Variants in SIPA1L3 observed in about 807,000 individuals in gnomAD.
The protein encoded by SIPA1L3 is signal-induced proliferation-associated 1-like protein 3.
Under a neutral mutation model 150.1 loss-of-function variants are expected in SIPA1L3, and 59 were observed. The ratio of observed to expected loss-of-function variants is 0.39; its 90% CI spans 0.32 to 0.49. SIPA1L3 has a LOEUF of 0.49. SIPA1L3 is among the 20% of genes least tolerant of loss of function. SIPA1L3 has a pLI of 0.86. For missense variants in SIPA1L3, 2,211 were observed against 2,489.5 expected (o/e 0.89, Z 2.38); for synonymous variants, 1,070 against 1,077.6 (o/e 0.99, Z 0.14).
Position 38,193,604 on chromosome 19 carries a change from C to T in SIPA1L3, c.4664C>T (p.Pro1555Leu). 6.4e-7 allele frequency: 1 copy of T among 1,563,536 alleles called. No individual in the cohort carries two copies. Among genetic ancestry groups the T allele is most frequent in the Non-Finnish European group, 8.6e-7 (1 of 1,164,896 alleles). ...AGCCTGTGCAGCGGGCGCCGGGAGC[C>T]CAGCTTCGCCAGCCCCGCTGGCCTA... The part of the protein sequence containing the change: ...DESLCSGRRE[P>L]SFASPAGLEP... The change falls in exon 18 of 22, where the codon CCC (proline) becomes CTC (leucine). Residue 1555 changes from proline (P) to leucine (L), a missense_variant. Around this residue, in one of 5 missense-constraint regions of SIPA1L3, gnomAD observed 806 missense variants for 870.1 expected, o/e 0.93. Coordinates refer to ENST00000222345, the MANE Select transcript of SIPA1L3 (RefSeq NM_015073.3).
At chr19:38,103,786 C>CA (rs1485299970) in intron 6 of SIPA1L3, among the ~76,000 whole-genome samples, 3 of 151,106 alleles carry the variant, frequency 2.0e-5, no homozygotes, top group African/African-American at 7.3e-5. Context: ...CCTGTAGTCC[C>CA]AGCTACTCTG....
chr19:38,154,835 C>T (rs933105429), intron 13 of SIPA1L3, among the ~76,000 whole-genome samples: 12 of 150,934 alleles, frequency 8.0e-5, no homozygotes, highest in African/African-American at 2.9e-4. Context: ...AATCTCAGCT[C>T]GCTGCAACCT....
rs79681604 is a variant in SIPA1L3, at chr19:38,036,382, C to T, written c.-311+7226C>T. On this transcript the variant is annotated intron_variant, in intron 2 of 21. Transcript: ENST00000222345. ...CTGGCTTCAGCACTGCCTCCTTCCC[C>T]GTCCCCAGGGACGGACACTTGGCTG... Among the ~76,000 whole-genome samples the T allele has an allele frequency of 1.1e-4, 16 of 152,364 alleles. No individual in the cohort carries two copies. In the East Asian group the frequency reaches 1.5e-3, roughly 15 times the overall value.
intron 1 of SIPA1L3, among the ~76,000 whole-genome samples, chr19:38,024,413 G>A (rs1255261165): frequency 2.0e-5 from 3 of 152,138 alleles, no homozygotes; most frequent in African/African-American, 7.2e-5. Context: ...GCTGCCGGAG[G>A]TGAGATGAGG....
chr19:38,100,506 T>C (rs967503339), intron 5 of SIPA1L3, among the ~76,000 whole-genome samples: 4 of 152,084 alleles, frequency 2.6e-5, no homozygotes, highest in Non-Finnish European at 5.9e-5. Context: ...CTGTTAGAAT[T>C]ACAGCCACAT....
intron 2 of SIPA1L3, among the ~76,000 whole-genome samples, chr19:38,039,704 A>G (rs995669994): frequency 7.6e-5 from 9 of 117,706 alleles, no homozygotes; most frequent in Non-Finnish European, 1.2e-4. Flanking sequence ...AAAAAAAAAA[A>G]AAAAAAAAAA....
intron 2 of SIPA1L3, among the ~76,000 whole-genome samples, chr19:38,049,396 G>A (rs193296087): frequency 1.8e-4 from 28 of 152,188 alleles, no homozygotes; most frequent in Admixed American, 1.7e-3. Context: ...GCATGTGTTC[G>A]CCATCTAGCC....
chr19:38,153,040 G>T, intron 13 of SIPA1L3, 73 bp downstream of exon 13: 1 of 1,534,446 alleles, frequency 6.5e-7, no homozygotes, highest in South Asian at 1.2e-5. Flanking sequence ...GAGCTTGACA[G>T]GCAACACTCC....
chr19:38,133,422 A>G (rs559954562), intron 10 of SIPA1L3, among the ~76,000 whole-genome samples: 16 of 152,238 alleles, frequency 1.1e-4, no homozygotes, highest in African/African-American at 3.6e-4. Flanking sequence ...ACCCTGAGGT[A>G]TAATTTGTAC....
rs1165494322 is a variant in SIPA1L3 at position 38,047,490 on chromosome 19, A to G, written c.-311+18334A>G. ...CAGTAAATATTTGTTGAATGAATGA[A>G]CCGACATGGCCAGTGACACAATGTC... is the stretch of plus-strand genomic sequence containing the variant. On this transcript the variant is annotated intron_variant, in intron 2 of 21. Coordinates refer to ENST00000222345, the MANE Select transcript of SIPA1L3 (RefSeq NM_015073.3). This position sits in a 1 kb window ranked among gnomAD's most constrained non-coding sequence, Gnocchi z 4.7. 6.6e-6 allele frequency among the ~76,000 whole-genome samples: 1 copy of G among 152,054 alleles called. No homozygotes were observed. The highest frequency in any genetic ancestry group is 1.5e-5 in the Non-Finnish European group (1 of 68,002).
rs1448242823 is a variant in SIPA1L3 at position 38,078,525 on chromosome 19, GACGCACACAGACACGCACACACACAGAC to G, written c.-310-2717_-310-2690del. ...GCACACAGACATGCACACACACACAGACGCACACAGACACGCACACACACAGACACGCACACAGACATACACAGAGACA... is the reference window on the plus strand; with the variant it reads ...GCACACAGACATGCACACACACACAGACGCACACAGACATACACAGAGACA... On this transcript the variant is annotated intron_variant, in intron 2 of 21. Coordinates refer to ENST00000222345, the MANE Select transcript of SIPA1L3 (RefSeq NM_015073.3). Among the ~76,000 whole-genome samples, 192 of 132,370 alleles carry G rather than the reference GACGCACACAGACACGCACACACACAGAC, an allele frequency of 1.5e-3. 2 individuals are homozygous for G. The highest frequency in any genetic ancestry group is 5.1e-3 in the African/African-American group (180 of 35,544). The allele number at this position is 132,370 out of a possible 152,430, so 86.8% of individuals were successfully genotyped here.
intron 12 of SIPA1L3, among the ~76,000 whole-genome samples, chr19:38,150,424 G>A (rs1971793592): frequency 6.6e-6 from 1 of 151,946 alleles, no homozygotes; most frequent in Non-Finnish European, 1.5e-5. Flanking sequence ...CTTCCTCTTT[G>A]GCATCTTGGG....
At chr19:38,184,074 G>T (rs976878822) in intron 16 of SIPA1L3, among the ~76,000 whole-genome samples, 4 of 152,146 alleles carry the variant, frequency 2.6e-5, no homozygotes, top group African/African-American at 9.7e-5. Flanking sequence ...AGCTAACATT[G>T]CCTGAGCACT....
At chr19:37,955,870 G>A (rs1440419305) in intron 1 of SIPA1L3, among the ~76,000 whole-genome samples, 1 of 152,216 alleles carries the variant, frequency 6.6e-6, no homozygotes, top group Non-Finnish European at 1.5e-5. Context: ...AGACATTTAT[G>A]TTCAGGTCTT....
At chr19:37,943,253 G>A (rs954889636) in intron 1 of SIPA1L3, among the ~76,000 whole-genome samples, 1 of 152,054 alleles carries the variant, frequency 6.6e-6, no homozygotes, top group Non-Finnish European at 1.5e-5. Flanking sequence ...CAACCCCGAA[G>A]AAACTGAGGC....
chr19:38,154,714 G>A (rs1971905049), intron 13 of SIPA1L3, among the ~76,000 whole-genome samples: 1 of 151,550 alleles, frequency 6.6e-6, no homozygotes, highest in Non-Finnish European at 1.5e-5. Flanking sequence ...CCAAAGTGAT[G>A]GGATTACAGG....
intron 2 of SIPA1L3, among the ~76,000 whole-genome samples, chr19:38,054,635 G>GA (rs11300829): frequency 2.0e-5 from 3 of 151,796 alleles, no homozygotes; most frequent in South Asian, 2.1e-4. Context: ...AAGTTTAGGG[G>GA]AAAAAAAAAT....
chr19:37,950,267 G>A (rs1041245710), intron 1 of SIPA1L3, among the ~76,000 whole-genome samples: 3 of 152,050 alleles, frequency 2.0e-5, no homozygotes, highest in African/African-American at 7.2e-5. Flanking sequence ...CTTAGGTAAA[G>A]GACTCAGTCT....
intron 15 of SIPA1L3, among the ~76,000 whole-genome samples, chr19:38,172,730 C>T (rs944145658): frequency 1.3e-5 from 2 of 152,056 alleles, no homozygotes; most frequent in African/African-American, 4.8e-5. Flanking sequence ...GCATATTGAC[C>T]AAAGTCAGAT....
Sources: allele counts gnomAD v4.1 joint callset (sites outside exome capture counted in the v4.1 genomes callset), GRCh38; gene constraint gnomAD v4.1.1; regional missense constraint gnomAD v4.1.1; non-coding constraint Gnocchi (gnomAD v3.1); transcripts MANE v1.5; gene names NCBI Gene and HGNC (gene_info 2026-07-23, HGNC 2026-07-21).